Variants in ANKS1B observed in about 807,000 individuals in gnomAD.
ANKS1B encodes the protein ankyrin repeat and sterile alpha motif domain-containing protein 1B.
ANKS1B carries 36 observed loss-of-function variants against 148.3 expected under a neutral mutation model. The ratio of observed to expected loss-of-function variants is 0.24; its 90% confidence interval spans 0.19 to 0.32. The LOEUF is 0.32. ANKS1B is among the 10% of genes least tolerant of loss of function. The pLI, the probability that ANKS1B is intolerant of heterozygous loss-of-function variation, is 1.00. For synonymous variants in ANKS1B, 542 were observed against 560.8 expected (o/e 0.97, Z 0.47); for missense variants, 1,157 against 1,542.6 (o/e 0.75, Z 4.19).
chr12:98,865,070 C>T (rs374696321), intron 17 of ANKS1B, among the ~76,000 whole-genome samples: 172 of 152,268 alleles, frequency 1.1e-3, no homozygotes, highest in African/African-American at 3.9e-3. Flanking sequence ...AGAAGCCCTG[C>T]CACCAGCCAG....
intron 17 of ANKS1B, among the ~76,000 whole-genome samples, chr12:98,914,967 T>C (rs1040619575): frequency 6.6e-6 from 1 of 152,212 alleles, no homozygotes; most frequent in Non-Finnish European, 1.5e-5. Flanking sequence ...TACTAGAATG[T>C]AAGCTAAATG....
chr12:99,184,246 A>G (rs1409695702), intron 14 of ANKS1B, among the ~76,000 whole-genome samples: 1 of 152,218 alleles, frequency 6.6e-6, no homozygotes, highest in Non-Finnish European at 1.5e-5. Context: ...AAAATAGTTC[A>G]AAAAATATGT....
chr12:99,187,554 G>C (rs1215498322), intron 14 of ANKS1B, among the ~76,000 whole-genome samples: 2 of 152,100 alleles, frequency 1.3e-5, no homozygotes, highest in Non-Finnish European at 2.9e-5. Flanking sequence ...TTCTTAAAGA[G>C]AATAATTTTC....
At chr12:98,995,440 A>T (rs997407341) in intron 17 of ANKS1B, among the ~76,000 whole-genome samples, 3 of 152,164 alleles carry the variant, frequency 2.0e-5, no homozygotes, top group Admixed American at 6.5e-5. Flanking sequence ...AAAAAAATTT[A>T]AAAAATTAAA....
chr12:98,988,518 G>C (rs1450592379), intron 17 of ANKS1B, among the ~76,000 whole-genome samples: 1 of 151,920 alleles, frequency 6.6e-6, no homozygotes, highest in Non-Finnish European at 1.5e-5. Context: ...TGAACACTTA[G>C]GTTGATTCCA....
chr12:99,157,852 G>T (rs905258304), intron 14 of ANKS1B, among the ~76,000 whole-genome samples: 6 of 152,140 alleles, frequency 3.9e-5, no homozygotes, highest in African/African-American at 1.4e-4. Flanking sequence ...TATTTGTGGT[G>T]GGGATTATTT....
At chr12:98,735,466 T>TATC in exon 10 of ANKS1B, 1 of 495,548 alleles carries the variant, frequency 2.0e-6, no homozygotes, top group South Asian at 4.1e-5. Flanking sequence ...GCTTGTCATT[T>TATC]ATCTGTTGAT....
chr12:99,262,604 AT>A (rs1461357274), intron 12 of ANKS1B, among the ~76,000 whole-genome samples: 10 of 152,128 alleles, frequency 6.6e-5, no homozygotes. Flanking sequence ...ACATTTTTAT[AT>A]TTTTTCTTTT....
intron 17 of ANKS1B, among the ~76,000 whole-genome samples, chr12:98,853,088 G>A (rs2099540251): frequency 6.6e-6 from 1 of 152,220 alleles, no homozygotes; most frequent in Non-Finnish European, 1.5e-5. Context: ...TACTGTCTTA[G>A]GACCATTTGA....
chr12:99,395,155 A>G (rs1157285224), intron 12 of ANKS1B, among the ~76,000 whole-genome samples: 2 of 152,080 alleles, frequency 1.3e-5, no homozygotes, highest in African/African-American at 4.8e-5. Context: ...TCTTACTGCA[A>G]TGCTACAATT....
intron 4 of ANKS1B, among the ~76,000 whole-genome samples, chr12:99,785,124 G>T (rs946241182): frequency 2.0e-5 from 3 of 152,004 alleles, no homozygotes; most frequent in African/African-American, 7.2e-5. Context: ...GGATAAGACT[G>T]ATTCTGCCTT....
At chr12:98,937,944 C>T (rs1282168536) in intron 17 of ANKS1B, among the ~76,000 whole-genome samples, 1 of 151,854 alleles carries the variant, frequency 6.6e-6, no homozygotes, top group Non-Finnish European at 1.5e-5. Context: ...TTTAAACCAT[C>T]AGATCTTGTG....
At chr12:99,127,007 T>C (rs1238120081) in intron 15 of ANKS1B, among the ~76,000 whole-genome samples, 1 of 152,064 alleles carries the variant, frequency 6.6e-6, no homozygotes, top group Non-Finnish European at 1.5e-5. Flanking sequence ...CCTTGGGAGA[T>C]TATTAGAACT....
chr12:99,649,291 T>C (rs1453599745), intron 9 of ANKS1B: 1 of 1,613,336 alleles, frequency 6.2e-7, no homozygotes, highest in African/African-American at 1.3e-5. Flanking sequence ...TCCCTAGGGA[T>C]ATGCCATGAA....
intron 10 of ANKS1B, among the ~76,000 whole-genome samples, chr12:99,503,882 G>A (rs967372173): frequency 7.2e-5 from 11 of 151,850 alleles, no homozygotes; most frequent in South Asian, 2.1e-4. Context: ...TAATCACTCT[G>A]TATTCTTTCT....
intron 17 of ANKS1B, among the ~76,000 whole-genome samples, chr12:98,854,154 A>G (rs1354521376): frequency 1.3e-5 from 2 of 152,230 alleles, no homozygotes; most frequent in Non-Finnish European, 2.9e-5. Flanking sequence ...TTAAATATGC[A>G]TGGCACATAA....
intron 12 of ANKS1B, among the ~76,000 whole-genome samples, chr12:99,340,260 A>G (rs1327555099): frequency 2.6e-5 from 4 of 152,128 alleles, no homozygotes; most frequent in African/African-American, 9.7e-5. Context: ...TTCATTTTAC[A>G]GAGAGCTGCT....
chr12:99,132,250 C>G (rs1016391064), intron 15 of ANKS1B, among the ~76,000 whole-genome samples: 3 of 152,040 alleles, frequency 2.0e-5, no homozygotes, highest in Non-Finnish European at 4.4e-5. Flanking sequence ...AAGAAAGGAC[C>G]ACGAGGCTCG....
chr12:99,504,962 T>A (rs2096693201), intron 9 of ANKS1B, among the ~76,000 whole-genome samples: 1 of 152,112 alleles, frequency 6.6e-6, no homozygotes, highest in African/African-American at 2.4e-5. Context: ...TCTACTCCTT[T>A]GCCGGCCTCC....
Sources: allele counts gnomAD v4.1 joint callset (sites outside exome capture counted in the v4.1 genomes callset), GRCh38; gene constraint gnomAD v4.1.1; transcripts MANE v1.5; gene names NCBI Gene and HGNC (gene_info 2026-07-23, HGNC 2026-07-21).